Variants in SEH1L observed in about 807,000 individuals in gnomAD.
SEH1L encodes the protein nucleoporin SEH1.
Under a neutral mutation model 49.5 loss-of-function variants are expected in SEH1L, and 18 were observed. That is an observed-to-expected ratio of 0.36 (90% confidence interval 0.25 to 0.54). The LOEUF is 0.54. Ranked by LOEUF, SEH1L falls within the 20% of genes least tolerant of loss-of-function variation. The pLI is 0.87. For missense variants in SEH1L, 404 were observed against 528.8 expected (o/e 0.76, Z 2.31); for synonymous variants, 169 against 178.1 (o/e 0.95, Z 0.41).
chr18:12,987,147 G>T lies in SEH1L; in HGVS notation c.*90G>T. 1.0e-6 allele frequency: 1 copy of T among 996,542 alleles called. No individual in the cohort carries two copies. The highest frequency in any genetic ancestry group is 1.7e-5 in the South Asian group (1 of 59,438). The allele number at this position is 996,542 out of a possible 1,614,324, so 61.7% of individuals were successfully genotyped here. On this transcript the variant is annotated 3_prime_UTR_variant, in exon 9 of 9. Transcript: ENST00000399892. The stretch of plus-strand genomic sequence containing the variant: ...TTTTGTTTTTCATTTTCTTTCAGAA[G>T]ATTTTTCTAACTTAGGGTCTGTCTT...
chr18:12,980,313 G>A (rs1446764253), intron 6 of SEH1L, among the ~76,000 whole-genome samples: 1 of 124,264 alleles, frequency 8.0e-6, no homozygotes, highest in Non-Finnish European at 1.7e-5. Flanking sequence ...TCCCAGTAGG[G>A]GCGGCCGGGC....
intron 2 of SEH1L, among the ~76,000 whole-genome samples, chr18:12,954,909 T>C (rs1444665510): frequency 2.0e-5 from 3 of 152,268 alleles, no homozygotes; most frequent in Non-Finnish European, 4.4e-5. Context: ...TTCAGAACAT[T>C]GTTTACCACC....
chr18:12,981,850 A>ATTTTTTTTT lies in SEH1L; in HGVS notation c.762-649_762-641dup, dbSNP rs554886753. 1.5e-4 allele frequency among the ~76,000 whole-genome samples: 13 copies of ATTTTTTTTT among 88,190 alleles called. 1 individual carries two copies. In the East Asian group the frequency reaches 1.8e-3, roughly 12 times the overall value. The allele number at this position is 88,190 out of a possible 152,430, so 57.9% of individuals were successfully genotyped here. The stretch of plus-strand genomic sequence containing the variant: ...TTCTTTCCTACTTGCTGCCCTGCCC[A>ATTTTTTTTT]TTTTTTTTTTTTTTTTTTTTTTTTT... On this transcript the variant is annotated intron_variant, in intron 6 of 8. Transcript: ENST00000399892.
chr18:12,948,524 G>A, intron 1 of SEH1L: 1 of 258,484 alleles, frequency 3.9e-6, no homozygotes, highest in Non-Finnish European at 7.3e-6. Context: ...GCTGCGGGCG[G>A]GAACCCAGGG....
At chr18:12,948,625 C>G (rs902150234) in intron 1 of SEH1L, 2 of 170,652 alleles carry the variant, frequency 1.2e-5, no homozygotes, top group Admixed American at 6.4e-5. Flanking sequence ...CTTTGCCTGG[C>G]TGGCGCTGCG....
At position 12,982,529 on chromosome 18, in the gene SEH1L, C is replaced by T; in HGVS notation, c.773C>T (p.Thr258Ile). 6.2e-7 allele frequency: 1 copy of T among 1,609,496 alleles called. No individual in the cohort carries two copies. Among genetic ancestry groups the T allele is most frequent in the Non-Finnish European group, 8.5e-7 (1 of 1,178,652 alleles). Reference protein sequence around the residue: ...FTLKPVRKELTSSGGPTKFEI... With the variant: ...FTLKPVRKELISSGGPTKFEI... The stretch of plus-strand genomic sequence containing the variant: ...TTTTTTATTAACAGGAAAGAACTGA[C>T]TTCCTCTGGTGGGCCAACAAAGTTT... The change falls in exon 7 of 9, where the codon ACT becomes ATT. Residue 258 changes from threonine to isoleucine, a missense_variant. Physicochemically the swap from Thr to Ile is moderately conservative, Grantham distance 89. Transcript: ENST00000399892.
chr18:12,963,690 T>C (rs1337335309), intron 4 of SEH1L, among the ~76,000 whole-genome samples: 3 of 152,214 alleles, frequency 2.0e-5, no homozygotes, highest in Non-Finnish European at 4.4e-5. Flanking sequence ...ACACCAGATA[T>C]TGAAACCCAT....
chr18:12,951,713 T>C (rs1232143359), intron 1 of SEH1L, 142 bp from the exon 2 acceptor site: 2 of 594,456 alleles, frequency 3.4e-6, no homozygotes, highest in Non-Finnish European at 6.0e-6. Context: ...CTTAATTGAA[T>C]GAATGAATGT....
chr18:12,949,442 GTTTTTTT>G (rs71174155), intron 1 of SEH1L, among the ~76,000 whole-genome samples: 12 of 51,796 alleles, frequency 2.3e-4, no homozygotes, highest in South Asian at 8.6e-4. Context: ...TACGTTAACC[GTTTTTTT>G]TTTTTTTTTT....
chr18:12,980,698 CA>C (rs1350128235), intron 6 of SEH1L, among the ~76,000 whole-genome samples: 40 of 70,264 alleles, frequency 5.7e-4, no homozygotes, highest in African/African-American at 7.4e-4. Flanking sequence ...GGGGGGCTGA[CA>C]CCCCCCACTT....
In SEH1L at chr18:12,986,870, T is replaced by G; in HGVS notation, c.1079T>G (p.Phe360Cys). 1 of 1,570,056 alleles carries G rather than the reference T, an allele frequency of 6.4e-7. No homozygotes were observed. Among genetic ancestry groups the G allele is most frequent in the Non-Finnish European group, 8.7e-7 (1 of 1,154,880 alleles). The change falls in exon 9 of 9, where the codon TTT (phenylalanine) becomes TGT (cysteine). Residue 360 changes from phenylalanine (F) to cysteine (C), a missense_variant. Around this residue, in one of 3 missense-constraint regions of SEH1L, gnomAD observed 342 missense variants for 430.8 expected, o/e 0.79. Coordinates refer to ENST00000399892, the MANE Select transcript of SEH1L (RefSeq NM_001013437.2). ...TGTCTTCATTGTTTCAGGTATTTCT[T>G]TACCCCTCTGGATTCCCCACGGGCT... ...LNGSSAGRYF[F>C]TPLDSPRAGS...
chr18:12,979,742 G>A (rs1366131860), intron 6 of SEH1L, among the ~76,000 whole-genome samples: 21 of 140,068 alleles, frequency 1.5e-4, no homozygotes, highest in African/African-American at 5.6e-4. Context: ...TGGCCGGGCG[G>A]GGGGCTGACC....
chr18:12,987,153 T>C lies in SEH1L; in HGVS notation c.*96T>C, dbSNP rs1025146562. On this transcript the variant is annotated 3_prime_UTR_variant, in exon 9 of 9. Coordinates refer to ENST00000399892, the MANE Select transcript of SEH1L (RefSeq NM_001013437.2). Reference sequence around the variant, plus strand: ...TTTTCATTTTCTTTCAGAAGATTTTTCTAACTTAGGGTCTGTCTTGCATGT... The same window carrying C: ...TTTTCATTTTCTTTCAGAAGATTTTCCTAACTTAGGGTCTGTCTTGCATGT... The C allele has an allele frequency of 3.2e-6, 3 of 941,318 alleles. No homozygotes were observed. The highest frequency in any genetic ancestry group is 4.7e-6 in the Non-Finnish European group (3 of 634,464). 58.3% of individuals were successfully genotyped at this position (941,318 alleles called of 1,614,324 possible).
At position 12,955,618 on chromosome 18, in the gene SEH1L, T is replaced by C; in HGVS notation, c.309+9T>C. ...GAGGACAGAGCCACTGGGTGAGACA[T>C]TTATTAGTATTCTGGGGACCGGGAA... On this transcript the variant is annotated intron_variant, in intron 3 of 8. Transcript: ENST00000399892. 3.1e-6 allele frequency: 5 copies of C among 1,613,482 alleles called. No homozygotes were observed. Among genetic ancestry groups the C allele is most frequent in the Non-Finnish European group, 4.2e-6 (5 of 1,179,556 alleles).
intron 3 of SEH1L, 62 bp from the exon 4 acceptor site, chr18:12,963,098 T>A (rs994334220): frequency 8.0e-7 from 1 of 1,249,368 alleles, no homozygotes; most frequent in African/African-American, 1.5e-5. Flanking sequence ...TCTGTGTGTC[T>A]TTTCCACTCT....
At chr18:12,979,913 G>A (rs1429845586) in intron 6 of SEH1L, among the ~76,000 whole-genome samples, 8 of 131,126 alleles carry the variant, frequency 6.1e-5, no homozygotes, top group Non-Finnish European at 9.7e-5. Flanking sequence ...GCGGCTGGCC[G>A]GGCAGAGGGG....
chr18:12,982,415 G>A, intron 6 of SEH1L, 103 bp from the exon 7 acceptor site: 1 of 795,116 alleles, frequency 1.3e-6, no homozygotes, highest in Non-Finnish European at 1.9e-6. Context: ...GAGACCACTT[G>A]TATTAATTTA....
chr18:12,981,304 C>T lies in SEH1L; in HGVS notation c.762-1214C>T, dbSNP rs1012548603. Among the ~76,000 whole-genome samples, 203 of 152,264 alleles carry T rather than the reference C, an allele frequency of 1.3e-3. 1 individual carries two copies. Among genetic ancestry groups the T allele is most frequent in the African/African-American group, 4.4e-3 (181 of 41,558 alleles). On this transcript the variant is annotated intron_variant, in intron 6 of 8. Transcript: ENST00000399892. ...GCTCCTCACTTCCCAGACGGGGTGG[C>T]GGCCGGGCAGAGGCTGCAATCTCGG...
In SEH1L at chr18:12,986,785, C is replaced by T. The variant is rs566077648; in HGVS notation, c.1071-77C>T. 41 of 1,209,824 alleles carry T rather than the reference C, an allele frequency of 3.4e-5. No homozygotes were observed. In the African/African-American group the frequency reaches 7.3e-4, roughly 22 times the overall value. The allele number at this position is 1,209,824 out of a possible 1,614,324, so 74.9% of individuals were successfully genotyped here. ...TCTTTGGTTCTCTTTGTATTTACTA[C>T]TTTTCTCTTTTTCTTGTGTTTTTTT... On this transcript the variant is annotated intron_variant, in intron 8 of 8. Transcript: ENST00000399892.
Sources: allele counts gnomAD v4.1 joint callset (sites outside exome capture counted in the v4.1 genomes callset), GRCh38; gene constraint gnomAD v4.1.1; regional missense constraint gnomAD v4.1.1; transcripts MANE v1.5; gene names NCBI Gene and HGNC (gene_info 2026-07-23, HGNC 2026-07-21).